The following BFSP1 variants were observed in gnomAD, a reference collection of about 807,000 sequenced individuals.
The protein encoded by BFSP1 is beaded filament structural protein 1, also known as filensin.
A neutral mutation model predicts 43.9 loss-of-function variants in BFSP1; 38 were observed. The observed-to-expected ratio is 0.87, with a 90% confidence interval of 0.67 to 1.14. The LOEUF (loss-of-function observed/expected upper bound fraction) is 1.14. BFSP1 is among the 50% of genes most tolerant of loss of function. BFSP1 has a pLI of 0.00. For missense variants in BFSP1, 850 were observed against 875.1 expected (o/e 0.97, Z 0.36); for synonymous variants, 352 against 354.8 (o/e 0.99, Z 0.09).
rs6080718 is a variant in BFSP1, at chr20:17,494,323, T to A, written c.1749A>T (p.Pro583=). The change falls in exon 8 of 8, where the codon CCA becomes CCT. Residue 583 remains proline (P), a synonymous_variant. Coordinates refer to ENST00000377873, the MANE Select transcript of BFSP1 (RefSeq NM_001195.5). ...CAGGCTTTGGAGGCTCAGGTATAGA[T>A]GGTTCCTCTGCACCGGGTGTGACCA... ...CAMVTPGAEE[P]SIPEPPKPAA... The A allele has an allele frequency of 2.3e-4, 366 of 1,614,080 alleles. No homozygotes were observed. In the African/African-American group the frequency reaches 4.2e-3, roughly 19 times the overall value.
chr20:17,531,002 C>A lies in BFSP1; in HGVS notation c.328G>T (p.Glu110Ter). 7.0e-7 allele frequency: 1 copy of A among 1,438,416 alleles called. No individual in the cohort carries two copies. Among genetic ancestry groups the A allele is most frequent in the Non-Finnish European group, 9.1e-7 (1 of 1,100,886 alleles). 89.1% of individuals were successfully genotyped at this position (1,438,416 alleles called of 1,614,324 possible). A position where few individuals can be genotyped will look rare whatever the true frequency, so the allele number is the denominator to read the frequency against. ...CGCTGCGCCTCGGTGCCCTGGCGCT[C>A]CAGCCGGGCGCGCTCGGCCTCCAGG... ...RDLEAERARLERQGTEAQRAL... is the reference protein window; with the variant it reads ...RDLEAERARL Residue 110 changes from glutamate (E) to a stop codon, truncating the protein, a stop_gained, in exon 1 of 8, where the codon GAG becomes TAG. Transcript: ENST00000377873. LOFTEE classifies it high-confidence loss of function.
intron 1 of BFSP1, among the ~76,000 whole-genome samples, chr20:17,568,465 G>A (rs1161575758): frequency 6.6e-6 from 1 of 150,538 alleles, no homozygotes; most frequent in African/African-American, 2.4e-5. Flanking sequence ...ATACAGGGGG[G>A]TTCCTTCTCA....
At chr20:17,564,363 TAAA>T (rs11087214) in intron 1 of BFSP1, among the ~76,000 whole-genome samples, 35 of 137,128 alleles carry the variant, frequency 2.6e-4, no homozygotes, top group African/African-American at 4.6e-4. Context: ...AGAACCTGGC[TAAA>T]AAAAAAAAAA....
chr20:17,561,385 G>A (rs1183440397), upstream of BFSP1, among the ~76,000 whole-genome samples: 1 of 152,050 alleles, frequency 6.6e-6, no homozygotes, highest in African/African-American at 2.4e-5. Flanking sequence ...TGTAATCCCA[G>A]CTACTCGGGA....
At chr20:17,553,104 G>A (rs1315618614) in intron 1 of BFSP1, among the ~76,000 whole-genome samples, 1 of 152,230 alleles carries the variant, frequency 6.6e-6, no homozygotes, top group Non-Finnish European at 1.5e-5. Context: ...AAAGGAGCCT[G>A]AAAAGGACCA....
At chr20:17,558,782 C>T in exon 1 of BFSP1, 2 of 1,530,016 alleles carry the variant, frequency 1.3e-6, no homozygotes, top group Non-Finnish European at 1.8e-6. Context: ...GGTACCCTGC[C>T]TACCCAGGAC....
intron 2 of BFSP1, among the ~76,000 whole-genome samples, chr20:17,520,210 G>GCCCCCCC (rs138070825): frequency 7.5e-6 from 1 of 133,356 alleles, no homozygotes. Flanking sequence ...GTTTTAACGT[G>GCCCCCCC]CCCCCCCACC....
intron 1 of BFSP1, among the ~76,000 whole-genome samples, chr20:17,566,971 G>A (rs2035126948): frequency 6.6e-6 from 1 of 152,042 alleles, no homozygotes; most frequent in Non-Finnish European, 1.5e-5. Flanking sequence ...TTTTATAAGG[G>A]CACTAATCCT....
rs147422987 is a variant in BFSP1 at position 17,494,394 on chromosome 20, G to A, written c.1678C>T (p.Arg560Cys). The change falls in exon 8 of 8, where the codon CGT becomes TGT. Residue 560 changes from arginine (R) to cysteine (C), a missense_variant. Coordinates refer to ENST00000377873, the MANE Select transcript of BFSP1 (RefSeq NM_001195.5). ...GAELEGPEEK[R>C]EGEERDEESR... ...TCTTCGTCCCGCTCCTCACCCTCACGTTTCTCTTCAGGGCCTTCCAGCTCT... is the reference window on the plus strand; with the variant it reads ...TCTTCGTCCCGCTCCTCACCCTCACATTTCTCTTCAGGGCCTTCCAGCTCT... 8.7e-6 allele frequency: 14 copies of A among 1,614,150 alleles called. No individual in the cohort carries two copies. Among genetic ancestry groups the A allele is most frequent in the South Asian group, 2.2e-5 (2 of 91,082 alleles).
At chr20:17,500,232 TC>T (rs1421381447) in intron 5 of BFSP1, among the ~76,000 whole-genome samples, 1 of 152,188 alleles carries the variant, frequency 6.6e-6, no homozygotes, top group African/African-American at 2.4e-5. Context: ...AGTACATTAA[TC>T]AGAGCAAGTA....
At chr20:17,517,161 G>C in intron 2 of BFSP1, 1 of 805,480 alleles carries the variant, frequency 1.2e-6, no homozygotes, top group Non-Finnish European at 2.2e-6. Flanking sequence ...ATACTATAAG[G>C]TAGACGAGAA....
At chr20:17,559,874 CA>C (rs1438686472), upstream of BFSP1, among the ~76,000 whole-genome samples, 1 of 152,062 alleles carries the variant, frequency 6.6e-6, no homozygotes, top group East Asian at 1.9e-4. Flanking sequence ...TCCTTGATGC[CA>C]AAAATGTTGG....
upstream of BFSP1, among the ~76,000 whole-genome samples, chr20:17,534,641 C>T (rs1278618894): frequency 6.6e-6 from 1 of 152,064 alleles, no homozygotes; most frequent in Non-Finnish European, 1.5e-5. Context: ...GGATGGTATT[C>T]TATAAAAATG....
chr20:17,524,933 A>G (rs773785594), intron 1 of BFSP1, 25 bp from the exon 2 acceptor site: 58 of 1,596,790 alleles, frequency 3.6e-5, no homozygotes, highest in Non-Finnish European at 4.7e-5. Flanking sequence ...CATAAGTGAG[A>G]GTTGGGTAAC....
chr20:17,556,388 C>T (rs6136131), intron 1 of BFSP1, among the ~76,000 whole-genome samples: 65,982 of 151,828 alleles, frequency 0.43, 14,963 homozygotes, highest in African/African-American at 0.54. Flanking sequence ...TTCCCAGCTA[C>T]TTGGGAGACT....
intron 1 of BFSP1, among the ~76,000 whole-genome samples, chr20:17,551,278 A>C (rs1366225209): frequency 1.3e-5 from 2 of 152,160 alleles, no homozygotes; most frequent in African/African-American, 4.8e-5. Flanking sequence ...GTAGAAGGCA[A>C]AGGGGGAGCT....
At chr20:17,536,845 T>G (rs879220504) in intron 1 of BFSP1, among the ~76,000 whole-genome samples, 2 of 152,232 alleles carry the variant, frequency 1.3e-5, no homozygotes, top group Admixed American at 1.3e-4. Flanking sequence ...TTTTCTACAA[T>G]GATGGACTTA....
At chr20:17,548,134 A>T (rs1422387679) in intron 1 of BFSP1, among the ~76,000 whole-genome samples, 1 of 144,632 alleles carries the variant, frequency 6.9e-6, no homozygotes, top group Non-Finnish European at 1.5e-5. Context: ...TTGGAGTTGT[A>T]GCCTGGAAAG....
chr20:17,520,211 C>CA (rs201307572), intron 2 of BFSP1, among the ~76,000 whole-genome samples: 7 of 95,142 alleles, frequency 7.4e-5, no homozygotes, highest in African/African-American at 2.2e-4. Context: ...TTTTAACGTG[C>CA]CCCCCCACCC....
Sources: gnomAD v4.1 joint callset for allele counts (sites outside exome capture counted in the v4.1 genomes callset) on GRCh38, gnomAD v4.1.1 for gene constraint, MANE v1.5 for transcripts, NCBI Gene and HGNC (gene_info 2026-07-23, HGNC 2026-07-21) for gene names.